Variants in DNMBP observed in about 807,000 individuals in gnomAD.
DNMBP encodes the protein dynamin binding protein.
DNMBP carries 87 observed loss-of-function variants against 150.0 expected under a neutral mutation model. The observed-to-expected ratio is 0.58, with a 90% CI of 0.49 to 0.69. The LOEUF (loss-of-function observed/expected upper bound fraction) is 0.69. Among genes scored for constraint, DNMBP ranks in the 30% least tolerant of loss-of-function variants. The pLI is 0.00. For missense variants in DNMBP, 1,774 were observed against 1,949.0 expected (o/e 0.91, Z 1.69); for synonymous variants, 711 against 750.4 (o/e 0.95, Z 0.86).
Position 99,915,094 on chromosome 10 carries a change from C to CAAA in DNMBP, c.2261-5951_2261-5949dup, listed in dbSNP as rs1290992306. 4.5e-3 allele frequency among the ~76,000 whole-genome samples: 368 copies of CAAA among 81,522 alleles called. 11 individuals are homozygous for CAAA. The highest frequency in any genetic ancestry group is 0.019 in the African/African-American group (321 of 16,926). 53.5% of individuals were successfully genotyped at this position (81,522 alleles called of 152,430 possible). A position where few individuals can be genotyped will look rare whatever the true frequency, so the allele number is the denominator to read the frequency against. Reference sequence around the variant, plus strand: ...GGGCAACAAGTGTGAAACTCTGTCTCAAAAAAAAAAAAAAATATATATATA... The same window carrying CAAA: ...GGGCAACAAGTGTGAAACTCTGTCTCAAAAAAAAAAAAAAAAAATATATATATA... On this transcript the variant is annotated intron_variant, in intron 4 of 16. Coordinates refer to ENST00000324109, the MANE Select transcript of DNMBP (RefSeq NM_015221.4).
In DNMBP at chr10:99,885,708, A is replaced by C; in HGVS notation, c.3777T>G (p.Ala1259=). 1 of 1,576,280 alleles carries C rather than the reference A, an allele frequency of 6.3e-7. No homozygotes were observed. Among genetic ancestry groups the C allele is most frequent in the Non-Finnish European group, 8.6e-7 (1 of 1,158,834 alleles). Residue 1259 remains alanine (A), a synonymous_variant, in exon 14 of 17, where the codon GCT becomes GCG. Transcript: ENST00000324109. ...FERKTIDRQS[A]RKPLLGLPSY... ...TCACCAGGCCCAGGAGTGGCTTTCG[A>C]GCAGACTGGCGGTCAATGGTTTTCC...
chr10:99,960,144 T>A (rs1307327250), intron 3 of DNMBP, among the ~76,000 whole-genome samples: 1 of 152,180 alleles, frequency 6.6e-6, no homozygotes, highest in Non-Finnish European at 1.5e-5. Context: ...ACAGTATATG[T>A]TTCTGGAAAA....
intron 3 of DNMBP, chr10:99,958,162 A>C (rs2040521723): frequency 6.6e-6 from 1 of 152,222 alleles, no homozygotes; most frequent in South Asian, 2.1e-4. Flanking sequence ...ACTGCTGGCA[A>C]TTCATAAGCA....
At chr10:99,971,944 T>G in intron 2 of DNMBP, 36 bp downstream of exon 2, 1 of 1,593,676 alleles carries the variant, frequency 6.3e-7, no homozygotes. Flanking sequence ...TGGAAAGAAG[T>G]CAGGGCCTGT....
intron 2 of DNMBP, among the ~76,000 whole-genome samples, chr10:99,970,815 A>G (rs1290424189): frequency 5.3e-5 from 8 of 151,680 alleles, no homozygotes; most frequent in Non-Finnish European, 1.2e-4. Flanking sequence ...TACTAAAAAT[A>G]CAAAAAATTA....
chr10:99,975,484 A>G (rs913059129), intron 1 of DNMBP, among the ~76,000 whole-genome samples: 4 of 152,170 alleles, frequency 2.6e-5, no homozygotes, highest in Admixed American at 2.6e-4. Flanking sequence ...CTACACAAAC[A>G]TTACCTATTT....
chr10:99,981,454 T>C (rs2040779419), intron 1 of DNMBP, among the ~76,000 whole-genome samples: 1 of 152,204 alleles, frequency 6.6e-6, no homozygotes, highest in Non-Finnish European at 1.5e-5. Flanking sequence ...AGAGCTGGGA[T>C]TACAGGTATG....
intron 1 of DNMBP, among the ~76,000 whole-genome samples, chr10:99,976,199 C>T (rs185709797): frequency 2.0e-5 from 3 of 152,316 alleles, no homozygotes; most frequent in African/African-American, 7.2e-5. Context: ...ATTTGTGTCA[C>T]TGATATAGCA....
chr10:99,975,268 G>A (rs946831934), intron 1 of DNMBP, among the ~76,000 whole-genome samples: 1 of 152,010 alleles, frequency 6.6e-6, no homozygotes, highest in Non-Finnish European at 1.5e-5. Flanking sequence ...GCTGAGGCAG[G>A]AGAATCACTT....
chr10:99,955,294 G>A lies in DNMBP; in HGVS notation c.2180C>T (p.Ser727Leu). ...LMLEEKQDESSRAETLEDLKF... is the reference protein window; with the variant it reads ...LMLEEKQDESLRAETLEDLKF... ...GAGATCCTCGAGGGTCTCTGCTCTT[G>A]ATGATTCATCCTGCTTCTCCTCCAG... Residue 727 changes from serine (S) to leucine (L), a missense_variant, in exon 4 of 17, where the codon TCA becomes TTA. Coordinates refer to ENST00000324109, the MANE Select transcript of DNMBP (RefSeq NM_015221.4). 2 of 1,614,068 alleles carry A rather than the reference G, an allele frequency of 1.2e-6. No individual in the cohort carries two copies. Among genetic ancestry groups the A allele is most frequent in the Non-Finnish European group, 1.7e-6 (2 of 1,179,988 alleles).
At chr10:99,927,660 A>G (rs1312366048) in intron 4 of DNMBP, among the ~76,000 whole-genome samples, 1 of 152,218 alleles carries the variant, frequency 6.6e-6, no homozygotes, top group Non-Finnish European at 1.5e-5. Context: ...TCTAGTAAAG[A>G]CAGAATTTGT....
intron 4 of DNMBP, among the ~76,000 whole-genome samples, chr10:99,933,449 T>TA (rs2040183608): frequency 6.6e-6 from 1 of 152,232 alleles, no homozygotes; most frequent in Admixed American, 6.5e-5. Flanking sequence ...CATCAGGTAA[T>TA]AAAGCTTATC....
In DNMBP at chr10:99,922,132, A is replaced by G. The variant is rs1181259061; in HGVS notation, c.2261-12986T>C. ...CACCCCTGTAGCCTGTTGGCCTGGT[A>G]TTTATGTACAGCCACGGGCACTTCC... On this transcript the variant is annotated intron_variant, in intron 4 of 16. Transcript: ENST00000324109. Among the ~76,000 whole-genome samples the G allele has an allele frequency of 2.0e-5, 3 of 152,100 alleles. No homozygotes were observed. The East Asian group carries it at 5.8e-4, about 29-fold the overall frequency.
At chr10:99,889,462 A>G (rs895331186) in intron 11 of DNMBP, 1 of 152,778 alleles carries the variant, frequency 6.5e-6, no homozygotes, top group African/African-American at 2.4e-5. Context: ...ACTCTCTCAC[A>G]TGATTAGAAT....
At chr10:99,884,853 A>C (rs548881768) in intron 14 of DNMBP, among the ~76,000 whole-genome samples, 10 of 152,196 alleles carry the variant, frequency 6.6e-5, no homozygotes, top group African/African-American at 2.4e-4. Flanking sequence ...GCAGTGAGCC[A>C]AGATCAGACC....
At chr10:99,909,709 A>C (rs2039877558) in intron 4 of DNMBP, among the ~76,000 whole-genome samples, 1 of 152,196 alleles carries the variant, frequency 6.6e-6, no homozygotes, top group Non-Finnish European at 1.5e-5. Context: ...GAAATAGGTA[A>C]AAAAAATTGT....
At chr10:99,886,212 AT>A (rs1342316252) in intron 13 of DNMBP, 87 bp downstream of exon 13, 39 of 1,144,162 alleles carry the variant, frequency 3.4e-5, no homozygotes, top group Non-Finnish European at 2.5e-6. Context: ...AATTCAGATA[AT>A]TTTTCAAACC....
intron 4 of DNMBP, among the ~76,000 whole-genome samples, chr10:99,916,357 G>C (rs1463358392): frequency 4.9e-4 from 74 of 152,330 alleles, no homozygotes; most frequent in South Asian, 2.1e-4. Flanking sequence ...CAGCTACCCA[G>C]GAGGCTGAGG....
intron 14 of DNMBP, among the ~76,000 whole-genome samples, chr10:99,885,481 A>G (rs1185349847): frequency 6.6e-6 from 1 of 152,180 alleles, no homozygotes; most frequent in Non-Finnish European, 1.5e-5. Context: ...ACTGCACTCC[A>G]GCCTGGCAAC....
Sources: allele counts gnomAD v4.1 joint callset (sites outside exome capture counted in the v4.1 genomes callset), GRCh38; gene constraint gnomAD v4.1.1; transcripts MANE v1.5; gene names NCBI Gene and HGNC (gene_info 2026-07-23, HGNC 2026-07-21).